The following GLIS3 variants were observed in gnomAD, a reference collection of about 807,000 sequenced individuals.
The protein encoded by GLIS3 is zinc finger protein GLIS3.
In GLIS3, 53 loss-of-function variants were observed where a neutral mutation model predicts 78.6. The observed-to-expected ratio is 0.67, with a 90% CI of 0.54 to 0.85. The LOEUF is 0.85. Among genes scored for constraint, GLIS3 ranks in the 40% least tolerant of loss-of-function variants. The pLI, the probability that GLIS3 is intolerant of heterozygous loss-of-function variation, is 0.00. For missense variants in GLIS3, 1,703 were observed against 1,231.1 expected (o/e 1.38, Z -5.74); for synonymous variants, 684 against 509.9 (o/e 1.34, Z -4.60).
intron 2 of GLIS3, among the ~76,000 whole-genome samples, chr9:4,184,484 T>C (rs1817595621): frequency 1.3e-5 from 2 of 152,240 alleles, no homozygotes; most frequent in Admixed American, 6.5e-5. Context: ...ATAAGTCCCC[T>C]TGGTGAGCAT....
In GLIS3 at chr9:3,873,446, C is replaced by A. The variant is rs181648893; in HGVS notation, c.2297+5981G>T. On this transcript the variant is annotated intron_variant, in intron 8 of 10. Coordinates refer to ENST00000381971, the MANE Select transcript of GLIS3 (RefSeq NM_001042413.2). ...AATCAATAAATGGGATATATAACAT[C>A]AAGAGAATGGGCGCAAAAAACCATA... Among the ~76,000 whole-genome samples, 4 of 152,134 alleles carry A rather than the reference C, an allele frequency of 2.6e-5. No homozygotes were observed. In the East Asian group the frequency reaches 7.7e-4, roughly 29 times the overall value.
chr9:4,354,932 C>A, the GLIS3 span, among the ~76,000 whole-genome samples: 6 of 151,856 alleles, frequency 4.0e-5, no homozygotes, highest in Non-Finnish European at 8.8e-5. Flanking sequence ...CTGGCTAACA[C>A]GGCGAAACCC....
chr9:4,155,865 G>A (rs756390155), intron 2 of GLIS3, among the ~76,000 whole-genome samples: 1 of 152,086 alleles, frequency 6.6e-6, no homozygotes, highest in Non-Finnish European at 1.5e-5. Context: ...GATGCTGCAG[G>A]TCCTCAGGCC....
At chr9:4,413,946 A>G in the GLIS3 span, among the ~76,000 whole-genome samples, 1 of 152,190 alleles carries the variant, frequency 6.6e-6, no homozygotes, top group African/African-American at 2.4e-5. Flanking sequence ...ACCCAAGGTT[A>G]TCATATGCAT....
intron 2 of GLIS3, chr9:4,151,991 T>C: frequency 5.7e-6 from 1 of 176,204 alleles, no homozygotes; most frequent in Non-Finnish European, 1.1e-5. Context: ...TCAACAAATA[T>C]TTATGGGATC....
At chr9:3,881,583 C>T (rs1821730173) in intron 7 of GLIS3, among the ~76,000 whole-genome samples, 1 of 152,128 alleles carries the variant, frequency 6.6e-6, no homozygotes, top group Non-Finnish European at 1.5e-5. Context: ...TTGTAGCCTG[C>T]CACTCGCTCA....
chr9:4,024,873 T>C (rs1823191715), intron 4 of GLIS3, among the ~76,000 whole-genome samples: 1 of 152,170 alleles, frequency 6.6e-6, no homozygotes, highest in South Asian at 2.1e-4. Flanking sequence ...CCCCTACAGT[T>C]CAGTAATCTC....
At chr9:4,007,333 A>G (rs528358038) in intron 4 of GLIS3, among the ~76,000 whole-genome samples, 35 of 152,086 alleles carry the variant, frequency 2.3e-4, no homozygotes, top group Non-Finnish European at 3.8e-4. Flanking sequence ...CTCTGCCCCC[A>G]CACCTCAGGC....
intron 4 of GLIS3, among the ~76,000 whole-genome samples, chr9:4,001,893 T>C (rs759969117): frequency 2.1e-4 from 32 of 152,206 alleles, no homozygotes; most frequent in Non-Finnish European, 4.3e-4. Flanking sequence ...AATACTAGCA[T>C]TCTCCCATAT....
the GLIS3 span, among the ~76,000 whole-genome samples, chr9:4,473,288 A>G: frequency 2.0e-5 from 3 of 152,062 alleles, no homozygotes; most frequent in African/African-American, 7.2e-5. Context: ...TCTACTAAAA[A>G]TACAAAAAGT....
intron 7 of GLIS3, among the ~76,000 whole-genome samples, chr9:3,892,991 G>T (rs1822563935): frequency 6.6e-6 from 1 of 152,112 alleles, no homozygotes; most frequent in South Asian, 2.1e-4. Flanking sequence ...CACATGTACA[G>T]GTTTGTTATA....
the GLIS3 span, among the ~76,000 whole-genome samples, chr9:4,412,006 C>T: frequency 6.6e-6 from 1 of 152,200 alleles, no homozygotes; most frequent in Non-Finnish European, 1.5e-5. Context: ...AGCACACAAT[C>T]TTAACATGGA....
chr9:4,086,673 T>G (rs189146936), intron 4 of GLIS3, among the ~76,000 whole-genome samples: 84 of 152,340 alleles, frequency 5.5e-4, no homozygotes, highest in Non-Finnish European at 8.1e-4. Flanking sequence ...GTTTTAGATT[T>G]TTTTACCATG....
At chr9:4,292,187 T>C (rs975151382) in intron 1 of GLIS3, among the ~76,000 whole-genome samples, 1 of 152,162 alleles carries the variant, frequency 6.6e-6, no homozygotes, top group South Asian at 2.1e-4. Flanking sequence ...TCAAACTGGA[T>C]TGCAATTCAT....
intron 8 of GLIS3, among the ~76,000 whole-genome samples, chr9:3,873,603 T>A (rs577772300): frequency 1.3e-5 from 2 of 152,286 alleles, no homozygotes; most frequent in South Asian, 4.1e-4. Flanking sequence ...CTATGCATTC[T>A]ATACATGTAA....
intron 2 of GLIS3, among the ~76,000 whole-genome samples, chr9:4,197,658 C>T (rs571378655): frequency 2.0e-4 from 30 of 152,292 alleles, no homozygotes; most frequent in South Asian, 4.1e-4. Context: ...CCCACTTCAC[C>T]GGGGCTGAGG....
chr9:4,298,387 AT>A (rs1402444710), intron 1 of GLIS3: 1 of 456,350 alleles, frequency 2.2e-6, no homozygotes, highest in Admixed American at 2.4e-5. Context: ...CAGGTACCTA[AT>A]TGAATCATCC....
the GLIS3 span, among the ~76,000 whole-genome samples, chr9:4,463,314 G>A: frequency 3.3e-5 from 5 of 152,126 alleles, no homozygotes; most frequent in Admixed American, 2.0e-4. Context: ...AGCTGATAGA[G>A]TAAGAAAAAG....
intron 4 of GLIS3, among the ~76,000 whole-genome samples, chr9:4,101,460 G>T (rs1254560047): frequency 6.6e-6 from 1 of 152,118 alleles, no homozygotes; most frequent in African/African-American, 2.4e-5. Flanking sequence ...ACCATATAAA[G>T]CTGTTATCAT....
Sources: allele counts gnomAD v4.1 joint callset (sites outside exome capture counted in the v4.1 genomes callset), GRCh38; gene constraint gnomAD v4.1.1; transcripts MANE v1.5; gene names NCBI Gene and HGNC (gene_info 2026-07-23, HGNC 2026-07-21).